Variants in KHDRBS2 observed in about 807,000 individuals in gnomAD.
KHDRBS2 encodes KH RNA binding domain containing, signal transduction associated 2, also known as KH domain-containing, RNA-binding, signal transduction-associated protein 2.
A neutral mutation model predicts 44.3 loss-of-function variants in KHDRBS2; 26 were observed. The observed-to-expected ratio is 0.59, with a 90% CI of 0.43 to 0.81. The LOEUF is 0.81. Ranked by LOEUF, KHDRBS2 falls within the 40% of genes least tolerant of loss-of-function variation. KHDRBS2 has a pLI of 0.00. For synonymous variants in KHDRBS2, 194 were observed against 151.1 expected, an observed-to-expected ratio of 1.28 and a Z score of -2.08; for missense variants, 476 against 433.1, an observed-to-expected ratio of 1.10 and a Z score of -0.88.
chr6:61,670,198 C>T, the KHDRBS2 span, among the ~76,000 whole-genome samples: 9 of 151,132 alleles, frequency 6.0e-5, no homozygotes, highest in Non-Finnish European at 1.2e-4. Flanking sequence ...ACAAAGAAGC[C>T]CTCCAAAAGT....
At chr6:62,243,764 C>G (rs1020276222) in intron 1 of KHDRBS2, among the ~76,000 whole-genome samples, 2 of 152,006 alleles carry the variant, frequency 1.3e-5, no homozygotes, top group Non-Finnish European at 1.5e-5. Flanking sequence ...GCTTCATCTA[C>G]GAAGTGAAGA....
At chr6:61,555,951 C>A in the KHDRBS2 span, among the ~76,000 whole-genome samples, 3 of 152,206 alleles carry the variant, frequency 2.0e-5, no homozygotes, top group South Asian at 6.2e-4. Flanking sequence ...ACAGTGTTAG[C>A]CAAAGCAATT....
the KHDRBS2 span, among the ~76,000 whole-genome samples, chr6:61,625,201 A>G: frequency 6.6e-6 from 1 of 151,802 alleles, no homozygotes; most frequent in Non-Finnish European, 1.5e-5. Context: ...CCTATCAGGA[A>G]TGAGTATCCA....
chr6:61,640,459 C>T, the KHDRBS2 span, among the ~76,000 whole-genome samples: 1 of 152,190 alleles, frequency 6.6e-6, no homozygotes, highest in African/African-American at 2.4e-5. Context: ...TAACCCAACA[C>T]CTAAGACCAA....
chr6:61,889,127 G>T (rs1322834018), intron 6 of KHDRBS2, among the ~76,000 whole-genome samples: 2 of 152,082 alleles, frequency 1.3e-5, no homozygotes, highest in South Asian at 2.1e-4. Flanking sequence ...TTATGTAATA[G>T]TTACCTTTTA....
the KHDRBS2 span, among the ~76,000 whole-genome samples, chr6:61,625,893 TA>T: frequency 6.6e-6 from 1 of 152,204 alleles, no homozygotes; most frequent in African/African-American, 2.4e-5. Flanking sequence ...GTTTATTTCT[TA>T]AACAACTTTC....
intron 2 of KHDRBS2, among the ~76,000 whole-genome samples, chr6:62,156,992 T>C (rs114587750): frequency 6.9e-4 from 104 of 151,296 alleles, no homozygotes; most frequent in African/African-American, 2.5e-3. Context: ...GCCAATTTTG[T>C]AGCTTTTTAT....
chr6:62,087,307 T>C (rs1041254569), intron 2 of KHDRBS2, among the ~76,000 whole-genome samples: 1 of 152,004 alleles, frequency 6.6e-6, no homozygotes, highest in African/African-American at 2.4e-5. Context: ...GAAAATTATA[T>C]TGGAGTTAAA....
At chr6:62,020,589 GA>G (rs547794988) in intron 3 of KHDRBS2, among the ~76,000 whole-genome samples, 42 of 23,168 alleles carry the variant, frequency 1.8e-3, no homozygotes, top group African/African-American at 5.8e-3. Flanking sequence ...ATGCACTTTT[GA>G]CAGTTTTTGC....
chr6:61,739,772 C>T (rs763034706), intron 6 of KHDRBS2, among the ~76,000 whole-genome samples: 23 of 151,840 alleles, frequency 1.5e-4, no homozygotes, highest in Non-Finnish European at 1.3e-4. Flanking sequence ...GCACTGAAAA[C>T]AGACTTGGGA....
rs1474366903 is a variant in KHDRBS2, at chr6:62,070,069, T to C, written c.220-22075A>G. ...TTTTCTCCGTCTATTAAGATTCATA[T>C]GGTTTTTGCTCCTTATTTAATTACT... is the stretch of plus-strand genomic sequence containing the variant. On this transcript the variant is annotated intron_variant, in intron 2 of 8. Transcript: ENST00000281156. 3.3e-5 allele frequency among the ~76,000 whole-genome samples: 5 copies of C among 151,854 alleles called. No homozygotes were observed. The South Asian group carries it at 8.3e-4, about 25-fold the overall frequency.
At chr6:62,246,105 TATATATATATATA>T (rs1835512816) in intron 1 of KHDRBS2, among the ~76,000 whole-genome samples, 1 of 27,368 alleles carries the variant, frequency 3.7e-5, no homozygotes, top group African/African-American at 1.4e-4. Flanking sequence ...ATCAATTTTA[TATATATATATATA>T]TATATATATA....
At chr6:61,939,118 AC>A (rs984611381) in intron 4 of KHDRBS2, among the ~76,000 whole-genome samples, 1 of 127,132 alleles carries the variant, frequency 7.9e-6, no homozygotes, top group Non-Finnish European at 1.7e-5. Flanking sequence ...CACTGGGTGG[AC>A]CCCACACCAA....
At chr6:62,164,181 G>A (rs1468919787) in intron 2 of KHDRBS2, among the ~76,000 whole-genome samples, 1 of 151,780 alleles carries the variant, frequency 6.6e-6, no homozygotes, top group Non-Finnish European at 1.5e-5. Flanking sequence ...ATGATGTAAT[G>A]AGATAAAGGC....
chr6:62,079,279 T>C (rs1021495986), intron 2 of KHDRBS2, among the ~76,000 whole-genome samples: 5 of 151,932 alleles, frequency 3.3e-5, no homozygotes, highest in African/African-American at 9.7e-5. Context: ...TTTACAGATT[T>C]ACATGTTAAT....
intron 3 of KHDRBS2, among the ~76,000 whole-genome samples, chr6:61,979,146 CAT>C (rs551056915): frequency 3.1e-4 from 47 of 152,158 alleles, no homozygotes; most frequent in East Asian, 1.4e-3. Context: ...TACATATTCA[CAT>C]GTTTCAGATT....
intron 8 of KHDRBS2, among the ~76,000 whole-genome samples, chr6:61,681,985 G>A (rs1411364943): frequency 1.3e-5 from 2 of 151,858 alleles, no homozygotes; most frequent in East Asian, 3.9e-4. Context: ...TTTCATGCAT[G>A]GGTGTGTAAA....
At chr6:61,906,893 C>CTT (rs199843521) in intron 4 of KHDRBS2, among the ~76,000 whole-genome samples, 4 of 146,870 alleles carry the variant, frequency 2.7e-5, no homozygotes, top group Non-Finnish European at 6.0e-5. Context: ...TACTAGTTTG[C>CTT]TTTTTTTTTT....
At chr6:62,027,141 GT>G (rs1783507612) in intron 3 of KHDRBS2, among the ~76,000 whole-genome samples, 1 of 151,566 alleles carries the variant, frequency 6.6e-6, no homozygotes, top group South Asian at 2.1e-4. Context: ...AACTACCTTT[GT>G]TTCGACTGTA....
Sources: gnomAD v4.1 joint callset for allele counts (sites outside exome capture counted in the v4.1 genomes callset) on GRCh38, gnomAD v4.1.1 for gene constraint, MANE v1.5 for transcripts, NCBI Gene and HGNC (gene_info 2026-07-23, HGNC 2026-07-21) for gene names.